The following RTCA variants were observed in gnomAD, a reference collection of about 807,000 sequenced individuals.
RTCA encodes the protein RNA 3'-terminal phosphate cyclase.
RTCA carries 37 observed loss-of-function variants against 46.1 expected under a neutral mutation model. That is an observed-to-expected ratio of 0.80 (90% confidence interval 0.62 to 1.06). The LOEUF (loss-of-function observed/expected upper bound fraction) is 1.06. Among genes scored for constraint, RTCA ranks in the 50% least tolerant of loss-of-function variants. RTCA has a pLI of 0.00. For synonymous variants in RTCA, 164 were observed against 158.3 expected (o/e 1.04, Z -0.27); for missense variants, 435 against 455.5 (o/e 0.95, Z 0.41).
Position 100,275,678 on chromosome 1 carries a change from T to C in RTCA, c.695T>C (p.Val232Ala), listed in dbSNP as rs1322708413. The C allele has an allele frequency of 1.2e-6, 2 of 1,612,054 alleles. No individual in the cohort carries two copies. The highest frequency in any genetic ancestry group is 2.7e-5 in the African/African-American group (2 of 74,894). ...IRDLYVNIQP[V>A]QEPKDQAFGN... ...GATTTGTATGTTAACATCCAGCCTG[T>C]TCAAGAACCTAAAGACCAAGCATTT... The change falls in exon 7 of 11, where the codon GTT (valine) becomes GCT (alanine). Residue 232 changes from valine (V) to alanine (A), a missense_variant. Coordinates refer to ENST00000370128, the MANE Select transcript of RTCA (RefSeq NM_003729.4).
rs147942893 is a variant in RTCA at position 100,288,484 on chromosome 1, G to C, written c.999+1281G>C. ...GGATTGCAGTGGCACAAACCTCCTG[G>C]GCTCTCAAATGATCCTCCCACCGCA... is the stretch of plus-strand genomic sequence containing the variant. On this transcript the variant is annotated intron_variant, in intron 10 of 10. Coordinates refer to ENST00000370128, the MANE Select transcript of RTCA (RefSeq NM_003729.4). 5.9e-5 allele frequency among the ~76,000 whole-genome samples: 9 copies of C among 151,738 alleles called. No homozygotes were observed. In the East Asian group the frequency reaches 1.6e-3, roughly 26 times the overall value.
At chr1:100,267,266 A>T (rs548458701) in intron 2 of RTCA, 65 of 426,008 alleles carry the variant, frequency 1.5e-4, no homozygotes, top group African/African-American at 1.2e-3. Flanking sequence ...TGTATTTATT[A>T]CATTTTAATA....
intron 5 of RTCA, 102 bp downstream of exon 5, chr1:100,273,554 C>A (rs1002094655): frequency 1.7e-6 from 1 of 586,120 alleles, no homozygotes; most frequent in Non-Finnish European, 2.8e-6. Context: ...CCACTTAATA[C>A]ATTGCATCTC....
At chr1:100,274,178 C>T (rs1666248719) in intron 5 of RTCA, among the ~76,000 whole-genome samples, 1 of 152,082 alleles carries the variant, frequency 6.6e-6, no homozygotes, top group African/African-American at 2.4e-5. Context: ...TATGTTGTAG[C>T]CTTTCTTATA....
At chr1:100,271,486 C>T (rs982168703) in intron 4 of RTCA, among the ~76,000 whole-genome samples, 2 of 151,796 alleles carry the variant, frequency 1.3e-5, no homozygotes, top group Non-Finnish European at 2.9e-5. Context: ...AAAAACACCT[C>T]GAGTGTGATA....
chr1:100,270,270 T>C (rs1400126227), intron 3 of RTCA, among the ~76,000 whole-genome samples: 1 of 152,200 alleles, frequency 6.6e-6, no homozygotes, highest in Non-Finnish European at 1.5e-5. Context: ...TATCAGAACT[T>C]AGCCAAGGTC....
chr1:100,272,047 C>T (rs929772183), intron 4 of RTCA, among the ~76,000 whole-genome samples: 2 of 152,196 alleles, frequency 1.3e-5, no homozygotes, highest in East Asian at 1.9e-4. Context: ...TATGGATGTA[C>T]CAGTTTGCAT....
intron 3 of RTCA, among the ~76,000 whole-genome samples, chr1:100,269,445 C>T (rs954099074): frequency 6.7e-5 from 10 of 148,576 alleles, no homozygotes; most frequent in Non-Finnish European, 1.5e-4. Flanking sequence ...CTCTTGGGCT[C>T]AGGCGATTCT....
chr1:100,276,769 T>C (rs1245972590), intron 7 of RTCA, among the ~76,000 whole-genome samples: 1 of 152,228 alleles, frequency 6.6e-6, no homozygotes, highest in Non-Finnish European at 1.5e-5. Context: ...TTTTGAAGTA[T>C]AAAAGTACCA....
intron 4 of RTCA, among the ~76,000 whole-genome samples, chr1:100,271,349 C>A (rs977704835): frequency 6.6e-6 from 1 of 152,028 alleles, no homozygotes; most frequent in Admixed American, 6.6e-5. Context: ...TGGTGGTGCA[C>A]ACCTGTCCAA....
chr1:100,287,461 G>A (rs992522358), intron 10 of RTCA, among the ~76,000 whole-genome samples: 2 of 152,146 alleles, frequency 1.3e-5, no homozygotes, highest in Non-Finnish European at 2.9e-5. Flanking sequence ...AAGGCCACAT[G>A]GATTTTTAGT....
At position 100,275,870 on chromosome 1, in the gene RTCA, C is replaced by G. The variant is rs113923207; in HGVS notation, c.740+147C>G. 3.3e-5 allele frequency: 23 copies of G among 694,542 alleles called. No homozygotes were observed. In the African/African-American group the frequency reaches 3.6e-4, roughly 11 times the overall value. 43.0% of individuals were successfully genotyped at this position (694,542 alleles called of 1,614,324 possible). A position where few individuals can be genotyped will look rare whatever the true frequency, so the allele number is the denominator to read the frequency against. ...TTATTTATTGAGGTGGAGTCTCGCT[C>G]TGTTGTCCAGGCTGGAGTGCCGTGG... On this transcript the variant is annotated intron_variant, in intron 7 of 10. Coordinates refer to ENST00000370128, the MANE Select transcript of RTCA (RefSeq NM_003729.4).
chr1:100,268,903 A>G (rs1177618286), intron 3 of RTCA, among the ~76,000 whole-genome samples: 6 of 151,964 alleles, frequency 3.9e-5, no homozygotes, highest in African/African-American at 7.3e-5. Context: ...TTAGAAAACA[A>G]CCAGGCCAGG....
In RTCA at chr1:100,285,275, G is replaced by A. The variant is rs769093123; in HGVS notation, c.847G>A (p.Ala283Thr). ...AATTGAAGCTGCCGAAATGCTATTAGCAAATCTTAGACATGGTGGTACTGT... is the reference window on the plus strand; with the variant it reads ...AATTGAAGCTGCCGAAATGCTATTAACAAATCTTAGACATGGTGGTACTGT... The part of the protein sequence containing the change: ...VGIEAAEMLL[A>T]NLRHGGTVDE... The change falls in exon 9 of 11, where the codon GCA (alanine) becomes ACA (threonine). Residue 283 changes from alanine to threonine, a missense_variant. By Grantham distance (58) the Ala-to-Thr change is moderately conservative. Transcript: ENST00000370128. 2 of 1,613,688 alleles carry A rather than the reference G, an allele frequency of 1.2e-6. No individual in the cohort carries two copies. The highest frequency in any genetic ancestry group is 1.7e-6 in the Non-Finnish European group (2 of 1,179,844).
At chr1:100,286,454 CA>C (rs754851046) in intron 9 of RTCA, among the ~76,000 whole-genome samples, 1,598 of 45,336 alleles carry the variant, frequency 0.035, no homozygotes, top group Non-Finnish European at 0.057. Context: ...GACTCCGTCT[CA>C]AAAAAAAAAA....
chr1:100,273,972 A>G (rs1211739879), intron 5 of RTCA, among the ~76,000 whole-genome samples: 1 of 152,018 alleles, frequency 6.6e-6, no homozygotes, highest in African/African-American at 2.4e-5. Context: ...CCTCCTTTCA[A>G]CGTGTTATGT....
chr1:100,287,102 A>T lies in RTCA; in HGVS notation c.898A>T (p.Ile300Phe). 1 of 1,544,042 alleles carries T rather than the reference A, an allele frequency of 6.5e-7. No individual in the cohort carries two copies. Among genetic ancestry groups the T allele is most frequent in the Non-Finnish European group, 8.7e-7 (1 of 1,151,340 alleles). ...TVDEYLQDQL[I>F]VFMALANGVS... ...TTCTTTGTTCTTTTTTAAATAGCTG[A>T]TTGTTTTCATGGCATTAGCCAATGG... The change falls in exon 10 of 11, where the codon ATT (isoleucine) becomes TTT (phenylalanine). Residue 300 changes from isoleucine (I) to phenylalanine (F), a missense_variant. Ile to Phe is a conservative substitution (Grantham distance 21, BLOSUM62 0). Coordinates refer to ENST00000370128, the MANE Select transcript of RTCA (RefSeq NM_003729.4).
intron 4 of RTCA, among the ~76,000 whole-genome samples, chr1:100,271,759 A>G (rs774204074): frequency 6.6e-6 from 1 of 152,206 alleles, no homozygotes; most frequent in Non-Finnish European, 1.5e-5. Flanking sequence ...TGACAGTGAC[A>G]TGATTCACAG....
rs573583646 is a variant in RTCA, at chr1:100,270,605, T to C, written c.339T>C (p.Ala113=). Residue 113 remains alanine (A), a synonymous_variant, in exon 4 of 11, where the codon GCT becomes GCC. Coordinates refer to ENST00000370128, the MANE Select transcript of RTCA (RefSeq NM_003729.4). The stretch of plus-strand genomic sequence containing the variant: ...TCTCAATGCCGTGTGTTCTCTTTGC[T>C]GCTTCTCCATCAGAACTTCATTTGA... The part of the protein sequence containing the change: ...MQVSMPCVLF[A]ASPSELHLKG... The C allele has an allele frequency of 6.2e-7, 1 of 1,614,154 alleles. No homozygotes were observed. Among genetic ancestry groups the C allele is most frequent in the Non-Finnish European group, 8.5e-7 (1 of 1,179,996 alleles).
Sources: allele counts gnomAD v4.1 joint callset (sites outside exome capture counted in the v4.1 genomes callset), GRCh38; gene constraint gnomAD v4.1.1; transcripts MANE v1.5; gene names NCBI Gene and HGNC (gene_info 2026-07-23, HGNC 2026-07-21).